KCNMA1: variants seen among roughly 807,000 people sequenced by gnomAD.
The protein encoded by KCNMA1 is potassium calcium-activated channel subfamily M alpha 1.
Under a neutral mutation model 140.0 loss-of-function variants are expected in KCNMA1, and 29 were observed. The ratio of observed to expected loss-of-function variants is 0.21; its 90% CI spans 0.15 to 0.28. KCNMA1 has a LOEUF of 0.28. Ranked by LOEUF, KCNMA1 falls within the 10% of genes least tolerant of loss-of-function variation. The pLI, the probability that KCNMA1 is intolerant of heterozygous loss-of-function variation, is 1.00. For missense variants in KCNMA1, 880 were observed against 1,602.2 expected, an observed-to-expected ratio of 0.55 and a Z score of 7.70; for synonymous variants, 612 against 611.9, an observed-to-expected ratio of 1.00 and a Z score of 0.00.
At chr10:77,021,462 T>A (rs1034741719) in intron 16 of KCNMA1, among the ~76,000 whole-genome samples, 4 of 152,216 alleles carry the variant, frequency 2.6e-5, no homozygotes, top group Admixed American at 1.3e-4. Context: ...CACAGCACCA[T>A]CACCCTCCAC....
rs557478236 is a variant in KCNMA1, at chr10:76,921,685, C to T, written c.2903-6636G>A. ...TTTGCAGTATGTATTCCAACGAATG[C>T]TTCAGCAGCTGAAGTAAAGAAAATT... On this transcript the variant is annotated intron_variant, in intron 23 of 27. Transcript: ENST00000286628. 3.3e-5 allele frequency among the ~76,000 whole-genome samples: 5 copies of T among 152,270 alleles called. No individual in the cohort carries two copies. The East Asian group carries it at 9.7e-4, about 29-fold the overall frequency.
intron 5 of KCNMA1, among the ~76,000 whole-genome samples, chr10:77,147,416 C>T (rs1395415725): frequency 6.6e-6 from 1 of 152,112 alleles, no homozygotes; most frequent in Non-Finnish European, 1.5e-5. Context: ...TCTCCCACCC[C>T]ACCAGCCTCC....
At chr10:76,990,793 C>T (rs955063246) in intron 19 of KCNMA1, among the ~76,000 whole-genome samples, 3 of 152,164 alleles carry the variant, frequency 2.0e-5, no homozygotes, top group Non-Finnish European at 4.4e-5. Context: ...AAGAAATGGC[C>T]AGATCAGCCT....
intron 14 of KCNMA1, among the ~76,000 whole-genome samples, chr10:77,069,307 T>C (rs1373921964): frequency 6.6e-6 from 1 of 152,168 alleles, no homozygotes; most frequent in Admixed American, 6.5e-5. Context: ...TCGTGCGAAC[T>C]CCTTAAAGGA....
rs2071621688 is a variant in KCNMA1, at chr10:76,961,865, TA to T, written c.2361-7942del. 6.6e-5 allele frequency among the ~76,000 whole-genome samples: 10 copies of T among 152,342 alleles called. No homozygotes were observed. In the South Asian group the frequency reaches 2.1e-3, roughly 32 times the overall value. ...CAGAAGAGTGTAAACCTAACTTTTATATGCACTAGAAAAAAAATGTGTGTTA... is the reference window on the plus strand; with the variant it reads ...CAGAAGAGTGTAAACCTAACTTTTATTGCACTAGAAAAAAAATGTGTGTTA... On this transcript the variant is annotated intron_variant, in intron 20 of 27. Transcript: ENST00000286628.
intron 1 of KCNMA1, among the ~76,000 whole-genome samples, chr10:77,537,238 C>G (rs11002199): frequency 0.17 from 25,257 of 152,018 alleles, 2,936 homozygotes; most frequent in East Asian, 0.54. Context: ...TCCCCTCCAC[C>G]CCCCTGCTCC....
intron 3 of KCNMA1, among the ~76,000 whole-genome samples, chr10:77,223,065 T>C (rs1009232991): frequency 1.3e-5 from 2 of 151,834 alleles, no homozygotes; most frequent in Admixed American, 6.6e-5. Flanking sequence ...CCGTCTCTAC[T>C]AAAAATACAA....
At chr10:77,448,430 TGCCACCGGCCA>T (rs1161711038) in intron 1 of KCNMA1, among the ~76,000 whole-genome samples, 1 of 152,202 alleles carries the variant, frequency 6.6e-6, no homozygotes, top group Non-Finnish European at 1.5e-5. Flanking sequence ...TCACAGTGCC[TGCCACCGGCCA>T]GGCCTCTGCA....
intron 20 of KCNMA1, 51 bp downstream of exon 20, chr10:76,969,923 G>T: frequency 7.0e-7 from 1 of 1,422,710 alleles, no homozygotes; most frequent in Non-Finnish European, 9.9e-7. Context: ...GGCGAGGGGA[G>T]GAAGAGAAGG....
chr10:77,382,657 G>T lies in KCNMA1; in HGVS notation c.540+21205C>A, dbSNP rs1054608105. The stretch of plus-strand genomic sequence containing the variant: ...AGGCGGGTGGATCACCTGAGGTCAG[G>T]AGTTTGAGAACAGCTTGGCCAACAT... On this transcript the variant is annotated intron_variant, in intron 2 of 27. Transcript: ENST00000286628. 5.3e-5 allele frequency among the ~76,000 whole-genome samples: 8 copies of T among 151,972 alleles called. No homozygotes were observed. In the East Asian group the frequency reaches 1.6e-3, roughly 30 times the overall value.
chr10:77,408,660 T>C (rs2096550068), intron 1 of KCNMA1, among the ~76,000 whole-genome samples: 1 of 152,018 alleles, frequency 6.6e-6, no homozygotes, highest in Non-Finnish European at 1.5e-5. Flanking sequence ...AGAAAAGATG[T>C]CTTGGGAAAA....
intron 10 of KCNMA1, among the ~76,000 whole-genome samples, chr10:77,087,388 A>G (rs1314654458): frequency 2.0e-5 from 3 of 152,128 alleles, no homozygotes; most frequent in Non-Finnish European, 2.9e-5. Context: ...AGATATATTG[A>G]TATATATATT....
At chr10:77,043,552 C>T (rs1168120943) in intron 14 of KCNMA1, among the ~76,000 whole-genome samples, 1 of 152,190 alleles carries the variant, frequency 6.6e-6, no homozygotes, top group East Asian at 1.9e-4. Flanking sequence ...CTCATGCTCA[C>T]AGCAGCATTA....
chr10:77,203,820 G>T (rs910145573), intron 3 of KCNMA1, among the ~76,000 whole-genome samples: 1 of 152,136 alleles, frequency 6.6e-6, no homozygotes, highest in African/African-American at 2.4e-5. Flanking sequence ...AATTAGGCTA[G>T]GCGTGATGGC....
intron 5 of KCNMA1, among the ~76,000 whole-genome samples, chr10:77,148,528 G>GT (rs1009885055): frequency 8.0e-6 from 1 of 125,524 alleles, no homozygotes; most frequent in Non-Finnish European, 1.7e-5. Flanking sequence ...TGAAGTACTT[G>GT]TTTTGGGGGG....
intron 2 of KCNMA1, among the ~76,000 whole-genome samples, chr10:77,273,276 G>A (rs995390262): frequency 6.6e-6 from 1 of 152,032 alleles, no homozygotes; most frequent in African/African-American, 2.4e-5. Flanking sequence ...TCAGTAGGTT[G>A]GTCACAGGCA....
At chr10:77,274,049 T>C (rs1256152535) in intron 2 of KCNMA1, among the ~76,000 whole-genome samples, 2 of 152,218 alleles carry the variant, frequency 1.3e-5, no homozygotes, top group Admixed American at 1.3e-4. Flanking sequence ...AGCATTCCTC[T>C]TAGCTTTGTG....
chr10:77,220,414 G>A (rs746788863), intron 3 of KCNMA1, among the ~76,000 whole-genome samples: 1 of 152,212 alleles, frequency 6.6e-6, no homozygotes, highest in Non-Finnish European at 1.5e-5. Context: ...CTCTGCAGTG[G>A]CTCCAACGGC....
Position 77,055,408 on chromosome 10 carries a change from G to A in KCNMA1, c.1750-15771C>T, listed in dbSNP as rs539346788. 8.5e-5 allele frequency among the ~76,000 whole-genome samples: 13 copies of A among 152,224 alleles called. No individual in the cohort carries two copies. In the South Asian group the frequency reaches 2.7e-3, roughly 32 times the overall value. ...AAGCCTCATAGTAGAACTAACTAATGCGAGGTAACTCTTAGAAAAAATGGA... is the reference window on the plus strand; with the variant it reads ...AAGCCTCATAGTAGAACTAACTAATACGAGGTAACTCTTAGAAAAAATGGA... On this transcript the variant is annotated intron_variant, in intron 14 of 27. Transcript: ENST00000286628.
Sources: gnomAD v4.1 joint callset for allele counts (sites outside exome capture counted in the v4.1 genomes callset) on GRCh38, gnomAD v4.1.1 for gene constraint, MANE v1.5 for transcripts, NCBI Gene and HGNC (gene_info 2026-07-23, HGNC 2026-07-21) for gene names.